HCN1: variants seen among roughly 807,000 people sequenced by gnomAD.
The protein encoded by HCN1 is potassium/sodium hyperpolarization-activated cyclic nucleotide-gated channel 1.
Under a neutral mutation model 78.9 loss-of-function variants are expected in HCN1, and 13 were observed. The ratio of observed to expected loss-of-function variants is 0.16; its 90% CI spans 0.11 to 0.26. The LOEUF (loss-of-function observed/expected upper bound fraction) is 0.26. Among genes scored for constraint, HCN1 ranks in the 10% least tolerant of loss-of-function variants. The probability of loss-of-function intolerance (pLI) is 1.00; values close to 1 mark genes in which losing one functional copy is unlikely to be tolerated. For missense variants in HCN1, 810 were observed against 1,154.3 expected, an observed-to-expected ratio of 0.70 and a Z score of 4.32; for synonymous variants, 552 against 455.5, an observed-to-expected ratio of 1.21 and a Z score of -2.70.
intron 3 of HCN1, among the ~76,000 whole-genome samples, chr5:45,424,487 C>T (rs187179805): frequency 6.6e-6 from 1 of 152,078 alleles, no homozygotes; most frequent in Admixed American, 6.5e-5. Context: ...ACATATGGTT[C>T]AGAATCACAA....
chr5:45,421,886 C>T (rs1740236302), intron 3 of HCN1, among the ~76,000 whole-genome samples: 1 of 152,120 alleles, frequency 6.6e-6, no homozygotes, highest in Admixed American at 6.5e-5. Flanking sequence ...ATTTTCTCCC[C>T]TACTTTTTAT....
intron 6 of HCN1, among the ~76,000 whole-genome samples, 176 bp from the exon 7 acceptor site, chr5:45,267,429 T>C (rs1371392247): frequency 6.6e-6 from 1 of 151,128 alleles, no homozygotes; most frequent in African/African-American, 2.4e-5. Context: ...CAATACTCAA[T>C]CTTAAAATAA....
chr5:45,328,883 T>C (rs940526988), intron 5 of HCN1, among the ~76,000 whole-genome samples: 1 of 151,614 alleles, frequency 6.6e-6, no homozygotes, highest in African/African-American at 2.4e-5. Flanking sequence ...TGCATAGATG[T>C]GGAACACAGT....
intron 5 of HCN1, among the ~76,000 whole-genome samples, chr5:45,307,991 A>G (rs1436032397): frequency 6.6e-6 from 1 of 152,090 alleles, no homozygotes; most frequent in Non-Finnish European, 1.5e-5. Flanking sequence ...AATTTGACCC[A>G]ATGTTGGAGG....
intron 3 of HCN1, among the ~76,000 whole-genome samples, chr5:45,436,275 C>T (rs1740558724): frequency 6.6e-6 from 1 of 152,178 alleles, no homozygotes; most frequent in Admixed American, 6.6e-5. Context: ...CTAAGCCCAG[C>T]ATACAATGCC....
chr5:45,420,817 C>A (rs1740210989), intron 3 of HCN1, among the ~76,000 whole-genome samples: 1 of 152,090 alleles, frequency 6.6e-6, no homozygotes, highest in Non-Finnish European at 1.5e-5. Flanking sequence ...GTCATATAAG[C>A]AATCCAGTGC....
chr5:45,434,631 A>G (rs1338659703), intron 3 of HCN1, among the ~76,000 whole-genome samples: 1 of 152,226 alleles, frequency 6.6e-6, no homozygotes, highest in Non-Finnish European at 1.5e-5. Flanking sequence ...CTGAACAATG[A>G]CAAAGAGTAT....
At chr5:45,672,916 C>A (rs12520240) in intron 1 of HCN1, among the ~76,000 whole-genome samples, 9,781 of 151,418 alleles carry the variant, frequency 0.065, 395 homozygotes, top group East Asian at 0.14. Flanking sequence ...TTAAATATTA[C>A]ATCAGTTATA....
intron 2 of HCN1, among the ~76,000 whole-genome samples, chr5:45,502,800 A>C (rs547504002): frequency 6.6e-6 from 1 of 152,330 alleles, no homozygotes; most frequent in Non-Finnish European, 1.5e-5. Flanking sequence ...AATAATAATA[A>C]TAGTTTAAAA....
chr5:45,424,928 A>C (rs1038920003), intron 3 of HCN1, among the ~76,000 whole-genome samples: 1 of 152,194 alleles, frequency 6.6e-6, no homozygotes, highest in Admixed American at 6.5e-5. Flanking sequence ...CCATATCATC[A>C]CTAATTATAA....
At chr5:45,492,971 C>A (rs565481930) in intron 2 of HCN1, among the ~76,000 whole-genome samples, 2 of 152,080 alleles carry the variant, frequency 1.3e-5, no homozygotes, top group African/African-American at 4.8e-5. Context: ...AACTTTTAGT[C>A]CAGGATAACT....
chr5:45,432,533 T>C (rs1299074316), intron 3 of HCN1, among the ~76,000 whole-genome samples: 16 of 151,804 alleles, frequency 1.1e-4, no homozygotes, highest in Admixed American at 1.0e-3. Context: ...TGAATATGAG[T>C]GGTGAGAGAG....
At chr5:45,282,312 G>T (rs912877757) in intron 6 of HCN1, among the ~76,000 whole-genome samples, 3 of 152,172 alleles carry the variant, frequency 2.0e-5, no homozygotes, top group Admixed American at 6.5e-5. Context: ...GTTGTTACTG[G>T]CTTTCTTATA....
chr5:45,403,372 A>G (rs1477771421), intron 3 of HCN1, among the ~76,000 whole-genome samples: 2 of 152,170 alleles, frequency 1.3e-5, no homozygotes, highest in Non-Finnish European at 2.9e-5. Flanking sequence ...TATACCTGAG[A>G]CTAGGTAATT....
chr5:45,656,847 T>A (rs1001051884), intron 1 of HCN1, among the ~76,000 whole-genome samples: 1 of 152,168 alleles, frequency 6.6e-6, no homozygotes, highest in Non-Finnish European at 1.5e-5. Context: ...TAACAACAAA[T>A]TTTTGAAGTT....
At chr5:45,413,063 T>C (rs775354705) in intron 3 of HCN1, among the ~76,000 whole-genome samples, 4 of 152,028 alleles carry the variant, frequency 2.6e-5, no homozygotes, top group Non-Finnish European at 4.4e-5. Flanking sequence ...TAATCGATTA[T>C]GGTGAAGTGA....
chr5:45,369,161 G>C (rs563933802), intron 4 of HCN1, among the ~76,000 whole-genome samples: 17 of 151,524 alleles, frequency 1.1e-4, no homozygotes, highest in African/African-American at 3.9e-4. Flanking sequence ...TATATCCGTA[G>C]ATATTTTTTC....
intron 6 of HCN1, among the ~76,000 whole-genome samples, chr5:45,268,121 C>T (rs941309176): frequency 7.9e-5 from 12 of 152,098 alleles, no homozygotes; most frequent in Non-Finnish European, 8.8e-5. Flanking sequence ...TTTGTATATT[C>T]CCAATGAGAT....
In HCN1 at chr5:45,259,527, A is replaced by T. The variant is rs1475403371; in HGVS notation, c.*2394T>A. 1 of 151,086 alleles carries T rather than the reference A, an allele frequency of 6.6e-6. No homozygotes were observed. The highest frequency in any genetic ancestry group is 1.5e-5 in the Non-Finnish European group (1 of 67,562). The allele number at this position is 151,086 out of a possible 1,614,324, so 9.4% of individuals were successfully genotyped here. A position where few individuals can be genotyped will look rare whatever the true frequency, so the allele number is the denominator to read the frequency against. Reference sequence around the variant, plus strand: ...CCTTTATATTACAGGAATGTGAGTCATTTTTTTTTCTTAATCTAAGTATAT... The same window carrying T: ...CCTTTATATTACAGGAATGTGAGTCTTTTTTTTTTCTTAATCTAAGTATAT... On this transcript the variant is annotated 3_prime_UTR_variant, in exon 8 of 8. Transcript: ENST00000303230.
Sources: gnomAD v4.1 joint callset for allele counts (sites outside exome capture counted in the v4.1 genomes callset) on GRCh38, gnomAD v4.1.1 for gene constraint, MANE v1.5 for transcripts, NCBI Gene and HGNC (gene_info 2026-07-23, HGNC 2026-07-21) for gene names.